The following TRIM65 variants were observed in gnomAD, a reference collection of about 807,000 sequenced individuals.
The protein encoded by TRIM65 is tripartite motif containing 65, also known as E3 ubiquitin-protein ligase TRIM65.
A neutral mutation model predicts 36.1 loss-of-function variants in TRIM65; 46 were observed. The ratio of observed to expected loss-of-function variants is 1.27; its 90% CI spans 1.01 to 1.63. The LOEUF is 1.63. TRIM65 is among the 40% of genes most tolerant of loss of function. The pLI, the probability that TRIM65 is intolerant of heterozygous loss-of-function variation, is 0.00. For synonymous variants in TRIM65, 346 were observed against 313.6 expected, an observed-to-expected ratio of 1.10 and a Z score of -1.09; for missense variants, 708 against 696.6, an observed-to-expected ratio of 1.02 and a Z score of -0.18.
chr17:75,879,650 G>A (rs1240141258), downstream of TRIM65: 1 of 150,890 alleles, frequency 6.6e-6, no homozygotes, highest in African/African-American at 2.5e-5. Context: ...ATAACCCAAA[G>A]TGTAAAATAA....
At chr17:75,887,516 G>A (rs554837347), downstream of TRIM65, among the ~76,000 whole-genome samples, 5 of 151,666 alleles carry the variant, frequency 3.3e-5, no homozygotes, top group South Asian at 6.3e-4. Flanking sequence ...GCATGGTGGC[G>A]GGTGCCTGTA....
chr17:75,893,739 CAGG>C (rs1166765502), intron 1 of TRIM65, among the ~76,000 whole-genome samples: 2 of 152,144 alleles, frequency 1.3e-5, no homozygotes, highest in Non-Finnish European at 2.9e-5. Flanking sequence ...CACAGGAACA[CAGG>C]AGGCCGGAGG....
chr17:75,894,906 G>A (rs1244708299), intron 1 of TRIM65, among the ~76,000 whole-genome samples: 1 of 152,226 alleles, frequency 6.6e-6, no homozygotes, highest in Non-Finnish European at 1.5e-5. Context: ...CCTCACTCAT[G>A]GTGCACAAGC....
chr17:75,883,470 G>C (rs576300291), intron 4 of TRIM65, among the ~76,000 whole-genome samples: 1 of 151,190 alleles, frequency 6.6e-6, no homozygotes, highest in Non-Finnish European at 1.5e-5. Flanking sequence ...TGGTTAAAAA[G>C]CTTTTTTGTT....
intron 1 of TRIM65, among the ~76,000 whole-genome samples, chr17:75,895,528 C>T (rs1164678664): frequency 1.3e-5 from 2 of 152,156 alleles, no homozygotes; most frequent in African/African-American, 4.8e-5. Context: ...CTAGGGACCC[C>T]GCGTGCCCAG....
intron 1 of TRIM65, among the ~76,000 whole-genome samples, chr17:75,893,139 G>A (rs553107428): frequency 3.9e-5 from 6 of 152,342 alleles, no homozygotes; most frequent in African/African-American, 1.4e-4. Context: ...CTTGCATGCT[G>A]AGCAAGCTGA....
At position 75,882,217 on chromosome 17, in the gene TRIM65, T is replaced by TC. The variant is rs541756888; in HGVS notation, c.350-1589_350-1588insG. Among the ~76,000 whole-genome samples the TC allele has an allele frequency of 2.7e-5, 4 of 149,418 alleles. No individual in the cohort carries two copies. In the South Asian group the frequency reaches 8.4e-4, roughly 31 times the overall value. On this transcript the variant is annotated intron_variant, in intron 4 of 4. Transcript: ENST00000591668. ...TGGTGGCATCTTGCTACTTCTTTTC[T>TC]TTTTTTTTCAAATGGAGTCTCGCTC... is the stretch of plus-strand genomic sequence containing the variant.
chr17:75,890,823 C>T lies in TRIM65; in HGVS notation c.1510G>A (p.Gly504Arg), dbSNP rs1386359476. The change falls in exon 6 of 6, where the codon GGG (glycine) becomes AGG (arginine). Residue 504 changes from glycine (G) to arginine (R), a missense_variant. Physicochemically the swap from Gly to Arg is moderately radical, Grantham distance 125. Coordinates refer to ENST00000269383, the MANE Select transcript of TRIM65 (RefSeq NM_173547.4). ...TGGGGCCCCAGAGGGAACACAGCCC[C>T]TGGCTGATGGCACAGGGTCAGGGTC... is the stretch of plus-strand genomic sequence containing the variant. ...GRTLTLCHQPGAVFPLGPQEE... is the reference protein window; with the variant it reads ...GRTLTLCHQPRAVFPLGPQEE... 13 of 1,518,220 alleles carry T rather than the reference C, an allele frequency of 8.6e-6. No homozygotes were observed. Among genetic ancestry groups the T allele is most frequent in the Non-Finnish European group, 1.1e-5 (13 of 1,135,496 alleles). 94.0% of individuals were successfully genotyped at this position (1,518,220 alleles called of 1,614,324 possible).
In TRIM65 at chr17:75,896,787, G is replaced by C; in HGVS notation, c.151C>G (p.Arg51Gly). The C allele has an allele frequency of 8.0e-6, 12 of 1,502,122 alleles. No individual in the cohort carries two copies. The highest frequency in any genetic ancestry group is 1.1e-5 in the Non-Finnish European group (12 of 1,129,290). The allele number at this position is 1,502,122 out of a possible 1,614,324, so 93.0% of individuals were successfully genotyped here. The change falls in exon 1 of 6, where the codon CGG becomes GGG. Residue 51 changes from arginine (R) to glycine (G), a missense_variant. Arg to Gly is a moderately radical substitution (Grantham distance 125). Transcript: ENST00000269383. Reference protein sequence around the residue: ...DRCGKACPECREPFPDGAELR... With the variant: ...DRCGKACPECGEPFPDGAELR... Reference sequence around the variant, plus strand: ...TCGGCGCCGTCGGGAAAGGGCTCCCGGCACTCGGGGCACGCCTTTCCGCAG... The same window carrying C: ...TCGGCGCCGTCGGGAAAGGGCTCCCCGCACTCGGGGCACGCCTTTCCGCAG...
chr17:75,887,880 G>A (rs2065220626), downstream of TRIM65, among the ~76,000 whole-genome samples: 4 of 151,778 alleles, frequency 2.6e-5, no homozygotes, highest in South Asian at 8.3e-4. Context: ...ATTACGCCGG[G>A]CGTGGTGGCT....
At chr17:75,895,793 C>T (rs368443118) in intron 1 of TRIM65, among the ~76,000 whole-genome samples, 1 of 152,228 alleles carries the variant, frequency 6.6e-6, no homozygotes, top group Non-Finnish European at 1.5e-5. Flanking sequence ...TTCTAAGTCT[C>T]TTAAGGGCAG....
At chr17:75,885,886 C>T (rs763601165), downstream of TRIM65, among the ~76,000 whole-genome samples, 4 of 152,206 alleles carry the variant, frequency 2.6e-5, no homozygotes, top group Non-Finnish European at 4.4e-5. Flanking sequence ...TGCTCCTATC[C>T]TGCCTGGAAA....
chr17:75,896,813 C>T lies in TRIM65; in HGVS notation c.125G>A (p.Arg42His). ...CGACIRDWWD[R>H]CGKACPECRE... Reference sequence around the variant, plus strand: ...GCACTCGGGGCACGCCTTTCCGCAGCGGTCCCACCAGTCCCGGATGCAGGC... The same window carrying T: ...GCACTCGGGGCACGCCTTTCCGCAGTGGTCCCACCAGTCCCGGATGCAGGC... The change falls in exon 1 of 6, where the codon CGC becomes CAC. Residue 42 changes from arginine to histidine, a missense_variant. Coordinates refer to ENST00000269383, the MANE Select transcript of TRIM65 (RefSeq NM_173547.4). The T allele has an allele frequency of 1.3e-6, 2 of 1,513,988 alleles. No individual in the cohort carries two copies. The highest frequency in any genetic ancestry group is 1.4e-5 in the African/African-American group (1 of 69,860). The allele number at this position is 1,513,988 out of a possible 1,614,324, so 93.8% of individuals were successfully genotyped here. A position where few individuals can be genotyped will look rare whatever the true frequency, so the allele number is the denominator to read the frequency against.
intron 2 of TRIM65, 114 bp downstream of exon 2, chr17:75,892,641 C>T (rs2065288641): frequency 8.0e-7 from 1 of 1,246,986 alleles, no homozygotes; most frequent in East Asian, 2.5e-5. Context: ...GACCCCTGTG[C>T]CCAGCTCCCT....
At chr17:75,887,874 C>T (rs943795669), downstream of TRIM65, among the ~76,000 whole-genome samples, 1 of 151,332 alleles carries the variant, frequency 6.6e-6, no homozygotes, top group African/African-American at 2.4e-5. Flanking sequence ...ACAAAAATTA[C>T]GCCGGGCGTG....
Position 75,891,262 on chromosome 17 carries a change from A to T in TRIM65, c.1071T>A (p.Arg357=), listed in dbSNP as rs769302531. ...SRQDQQVKHC[R]QSRGPGGPGS... is the part of the protein sequence containing the mutation. ...CGGGCCCGCCTGGGCCCCGGGACTG[A>T]CGACAGTGCTTCACCTGCTGGTCCT... is the stretch of plus-strand genomic sequence containing the variant. Residue 357 remains arginine, a synonymous_variant, in exon 6 of 6, where the codon CGT becomes CGA. Transcript: ENST00000269383. The T allele has an allele frequency of 1.2e-6, 2 of 1,612,962 alleles. No homozygotes were observed.
Position 75,891,065 on chromosome 17 carries a change from C to G in TRIM65, c.1268G>C (p.Trp423Ser). 2 of 1,612,412 alleles carry G rather than the reference C, an allele frequency of 1.2e-6. No individual in the cohort carries two copies. The highest frequency in any genetic ancestry group is 4.5e-5 in the East Asian group (2 of 44,874). ...GCTGTCCTCCTGGACGCAGAGCCCC[C>G]AGGAGCAGGGTCCCCGGCCAATGTT... Reference protein sequence around the residue: ...TDNIGRGPCSWGLCVQEDSLQ... With the variant: ...TDNIGRGPCSSGLCVQEDSLQ... Residue 423 changes from tryptophan to serine, a missense_variant, in exon 6 of 6, where the codon TGG becomes TCG. Trp to Ser is a radical substitution (Grantham distance 177). Coordinates refer to ENST00000269383, the MANE Select transcript of TRIM65 (RefSeq NM_173547.4).
chr17:75,892,096 C>G lies in TRIM65; in HGVS notation c.834G>C (p.Gln278His). 6.4e-7 allele frequency: 1 copy of G among 1,554,934 alleles called. No individual in the cohort carries two copies. Among genetic ancestry groups the G allele is most frequent in the Non-Finnish European group, 8.7e-7 (1 of 1,148,824 alleles). ...GGAGGCCACACAGCCGGCTTAGCAA[C>G]TGCTTCAGGTCACCCAGCTGTTGGT... ...DEDQQLGDLK[Q>H]LLSRLCGLLL... The change falls in exon 4 of 6, where the codon CAG becomes CAC. Residue 278 changes from glutamine (Q) to histidine (H), a missense_variant. Transcript: ENST00000269383.
chr17:75,896,667 G>C lies in TRIM65; in HGVS notation c.271C>G (p.Pro91Ala). ...CCGTGGCGGGGGCAGCGCGCGGCAG[G>C]GTCGGGGCCGGGGCCGGGATCGGGG... ...PGPDPGPGPD[P>A]AARCPRHGRP... is the part of the protein sequence containing the mutation. Residue 91 changes from proline (P) to alanine (A), a missense_variant, in exon 1 of 6, where the codon CCT (proline) becomes GCT (alanine). By Grantham distance (27) the Pro-to-Ala change is conservative. Coordinates refer to ENST00000269383, the MANE Select transcript of TRIM65 (RefSeq NM_173547.4). The C allele has an allele frequency of 1.6e-6, 2 of 1,272,972 alleles. No homozygotes were observed. Among genetic ancestry groups the C allele is most frequent in the East Asian group, 3.2e-5 (1 of 31,158 alleles). The allele number at this position is 1,272,972 out of a possible 1,614,324, so 78.9% of individuals were successfully genotyped here.
Sources: allele counts gnomAD v4.1 joint callset (sites outside exome capture counted in the v4.1 genomes callset), GRCh38; gene constraint gnomAD v4.1.1; transcripts MANE v1.5; gene names NCBI Gene and HGNC (gene_info 2026-07-23, HGNC 2026-07-21).